The following KLF12 variants were observed in gnomAD, a reference collection of about 807,000 sequenced individuals.
KLF12 encodes Krueppel-like factor 12.
Under a neutral mutation model 37.8 loss-of-function variants are expected in KLF12, and 9 were observed. That is an observed-to-expected ratio of 0.24 (90% CI 0.14 to 0.42). The LOEUF (loss-of-function observed/expected upper bound fraction) is 0.42, where lower values mean the gene tolerates loss of function less well. Among genes scored for constraint, KLF12 ranks in the 10% least tolerant of loss-of-function variants. KLF12 has a pLI of 1.00. For missense variants in KLF12, 411 were observed against 516.0 expected (o/e 0.80, Z 1.97); for synonymous variants, 208 against 202.1 (o/e 1.03, Z -0.25).
upstream of KLF12, among the ~76,000 whole-genome samples, chr13:74,138,042 C>G (rs1197353274): frequency 2.0e-5 from 3 of 152,228 alleles, no homozygotes; most frequent in Admixed American, 2.0e-4. Context: ...AGGCGGGAGC[C>G]ACCGCGCCCG....
the KLF12 span, among the ~76,000 whole-genome samples, chr13:74,242,818 A>G: frequency 1.3e-5 from 2 of 152,282 alleles, no homozygotes; most frequent in East Asian, 3.9e-4. Context: ...GCAGAGACAT[A>G]TTACAGCAAG....
chr13:74,198,729 G>T, the KLF12 span, among the ~76,000 whole-genome samples: 1 of 152,162 alleles, frequency 6.6e-6, no homozygotes, highest in African/African-American at 2.4e-5. Flanking sequence ...TTTGAGAAGT[G>T]TTATCCTAGA....
chr13:74,291,715 G>C, the KLF12 span, among the ~76,000 whole-genome samples: 1 of 152,032 alleles, frequency 6.6e-6, no homozygotes, highest in Non-Finnish European at 1.5e-5. Flanking sequence ...AGACCTCCCT[G>C]ACTGGATATA....
chr13:74,046,390 C>A (rs1056795581), intron 1 of KLF12, among the ~76,000 whole-genome samples: 26 of 151,716 alleles, frequency 1.7e-4, no homozygotes, highest in African/African-American at 5.8e-4. Flanking sequence ...TATGGAAACA[C>A]ATAGTTTGTT....
intron 1 of KLF12, among the ~76,000 whole-genome samples, chr13:74,123,685 A>G (rs1877769825): frequency 6.6e-6 from 1 of 152,236 alleles, no homozygotes; most frequent in African/African-American, 2.4e-5. Flanking sequence ...GGAAGAAGGT[A>G]AAAATTCATC....
At chr13:74,011,280 C>G (rs986095907) in intron 1 of KLF12, among the ~76,000 whole-genome samples, 4 of 141,824 alleles carry the variant, frequency 2.8e-5, no homozygotes, top group Non-Finnish European at 6.1e-5. Context: ...TGAATTGGAA[C>G]AGTATAAAAT....
intron 4 of KLF12, among the ~76,000 whole-genome samples, chr13:73,823,433 T>C (rs1883650620): frequency 6.6e-6 from 1 of 152,196 alleles, no homozygotes; most frequent in African/African-American, 2.4e-5. Context: ...GGCGGAGGCA[T>C]GCAGAACTAT....
chr13:73,989,764 G>A (rs2138235114), intron 2 of KLF12, among the ~76,000 whole-genome samples: 1 of 152,192 alleles, frequency 6.6e-6, no homozygotes, highest in South Asian at 2.1e-4. Flanking sequence ...AGAACTGCAG[G>A]TAAAAGCAGC....
chr13:73,759,624 G>A (rs892223329), intron 6 of KLF12, among the ~76,000 whole-genome samples: 4 of 152,270 alleles, frequency 2.6e-5, no homozygotes, highest in East Asian at 1.9e-4. Context: ...CAACTGCCAC[G>A]TCATGGAAAG....
intron 6 of KLF12, among the ~76,000 whole-genome samples, chr13:73,759,789 C>T (rs959502424): frequency 6.6e-6 from 1 of 152,038 alleles, no homozygotes; most frequent in Non-Finnish European, 1.5e-5. Flanking sequence ...TCCTTTATAG[C>T]CTTGAAGTTG....
intron 1 of KLF12, among the ~76,000 whole-genome samples, chr13:74,057,202 T>TAC (rs982625398): frequency 6.6e-6 from 1 of 152,226 alleles, no homozygotes; most frequent in Non-Finnish European, 1.5e-5. Flanking sequence ...TCATAAAGTT[T>TAC]ACCCAACATG....
chr13:73,824,899 C>G (rs1883749535), intron 4 of KLF12, among the ~76,000 whole-genome samples: 1 of 152,104 alleles, frequency 6.6e-6, no homozygotes, highest in Non-Finnish European at 1.5e-5. Context: ...GAAAACCCAT[C>G]TCTACTAAAA....
At chr13:73,698,885 T>C (rs1874338387) in intron 7 of KLF12, among the ~76,000 whole-genome samples, 2 of 152,216 alleles carry the variant, frequency 1.3e-5, no homozygotes, top group Non-Finnish European at 2.9e-5. Context: ...TGGGATTATA[T>C]ATTACACATT....
intron 1 of KLF12, among the ~76,000 whole-genome samples, chr13:74,023,779 A>G (rs1344832567): frequency 6.6e-6 from 1 of 152,180 alleles, no homozygotes; most frequent in Non-Finnish European, 1.5e-5. Context: ...TTTTGTGGGG[A>G]CACTAACCCA....
At chr13:73,865,232 C>T (rs537534514) in intron 3 of KLF12, among the ~76,000 whole-genome samples, 1 of 152,000 alleles carries the variant, frequency 6.6e-6, no homozygotes, top group South Asian at 2.1e-4. Context: ...GTTTCAAAAA[C>T]CACATTAAAC....
chr13:73,747,578 G>A (rs1445614271), intron 6 of KLF12, among the ~76,000 whole-genome samples: 3 of 152,170 alleles, frequency 2.0e-5, no homozygotes, highest in Non-Finnish European at 4.4e-5. Context: ...AGTCATGGCT[G>A]TACATAAATG....
At chr13:74,287,375 A>AGAGAGAGAGAGAGAGG in the KLF12 span, among the ~76,000 whole-genome samples, 1 of 151,530 alleles carries the variant, frequency 6.6e-6, no homozygotes, top group Non-Finnish European at 1.5e-5. Context: ...AGAGAGAGAG[A>AGAGAGAGAGAGAGAGG]GAGAGAGAGA....
intron 6 of KLF12, 33 bp from the exon 7 acceptor site, chr13:73,715,558 G>C: frequency 6.2e-7 from 1 of 1,604,554 alleles, no homozygotes; most frequent in Non-Finnish European, 8.5e-7. Context: ...TACACGGTGA[G>C]ATGCACACCG....
intron 3 of KLF12, among the ~76,000 whole-genome samples, chr13:73,901,087 T>C (rs1888019879): frequency 6.6e-6 from 1 of 152,200 alleles, no homozygotes; most frequent in African/African-American, 2.4e-5. Context: ...TTAACATACA[T>C]GGGTCACTCT....
Sources: allele counts gnomAD v4.1 joint callset (sites outside exome capture counted in the v4.1 genomes callset), GRCh38; gene constraint gnomAD v4.1.1; transcripts MANE v1.5; gene names NCBI Gene and HGNC (gene_info 2026-07-23, HGNC 2026-07-21).